The following ABLIM2 variants were observed in gnomAD, a reference collection of about 807,000 sequenced individuals.
ABLIM2 encodes the protein actin binding LIM protein family member 2, also known as actin-binding LIM protein 2.
ABLIM2 carries 53 observed loss-of-function variants against 97.7 expected under a neutral mutation model. The observed-to-expected ratio is 0.54, with a 90% CI of 0.44 to 0.68. The LOEUF is 0.68. ABLIM2 is among the 30% of genes least tolerant of loss of function. ABLIM2 has a pLI of 0.00. For synonymous variants in ABLIM2, 361 were observed against 345.8 expected (o/e 1.04, Z -0.49); for missense variants, 835 against 867.2 (o/e 0.96, Z 0.47).
At chr4:8,035,540 G>A (rs1051314198) in intron 10 of ABLIM2, among the ~76,000 whole-genome samples, 2 of 152,178 alleles carry the variant, frequency 1.3e-5, no homozygotes, top group Admixed American at 6.5e-5. Flanking sequence ...AGGCAGCTGC[G>A]GTCATGTTGA....
intron 7 of ABLIM2, among the ~76,000 whole-genome samples, chr4:8,060,450 T>C (rs902533138): frequency 1.3e-4 from 20 of 152,280 alleles, no homozygotes; most frequent in Admixed American, 1.0e-3. Flanking sequence ...CAATGCTCTG[T>C]GGGGCTGGCT....
intron 11 of ABLIM2, among the ~76,000 whole-genome samples, chr4:8,029,425 C>A (rs888410889): frequency 3.9e-5 from 6 of 152,210 alleles, no homozygotes; most frequent in Non-Finnish European, 7.3e-5. Flanking sequence ...ACCAGCAGGG[C>A]AGCCTCTGCA....
At chr4:8,029,586 T>TG in intron 11 of ABLIM2, 70 bp downstream of exon 11, 1 of 1,050,032 alleles carries the variant, frequency 9.5e-7, no homozygotes, top group South Asian at 3.6e-5. Context: ...AAAAAAAAAC[T>TG]AAAAAAAAAA....
intron 1 of ABLIM2, among the ~76,000 whole-genome samples, chr4:8,111,664 C>T (rs1310633542): frequency 1.4e-4 from 21 of 152,150 alleles, no homozygotes; most frequent in African/African-American, 3.6e-4. Flanking sequence ...CTATGGCTCA[C>T]GCCTGTAATC....
intron 1 of ABLIM2, among the ~76,000 whole-genome samples, chr4:8,141,921 G>C (rs1378433096): frequency 6.6e-6 from 1 of 152,236 alleles, no homozygotes; most frequent in South Asian, 2.1e-4. Context: ...TCTGAGAAGA[G>C]GGGGAGGGCC....
intron 17 of ABLIM2, 47 bp from the exon 18 acceptor site, chr4:7,984,940 G>T: frequency 6.3e-7 from 1 of 1,588,120 alleles, no homozygotes; most frequent in East Asian, 2.3e-5. Context: ...GCGGCACGAG[G>T]GTGTGTGGAT....
At position 8,003,569 on chromosome 4, in the gene ABLIM2, T is replaced by C. The variant is rs1368689663; in HGVS notation, c.1618+4490A>G. Among the ~76,000 whole-genome samples the C allele has an allele frequency of 6.8e-6, 1 of 146,330 alleles. No homozygotes were observed. Among genetic ancestry groups the C allele is most frequent in the East Asian group, 1.9e-4 (1 of 5,144 alleles). ...GCTCTTCTTCCAGTTTTCTTTTTTT[T>C]TTTTTTTTTTTTTGGAGATGGAGTC... On this transcript the variant is annotated intron_variant, in intron 16 of 20. Transcript: ENST00000447017. This position sits in a 1 kb window ranked among gnomAD's most constrained non-coding sequence, Gnocchi z 4.2.
In ABLIM2 at chr4:8,029,641, CA is replaced by C. The variant is rs1161373919; in HGVS notation, c.1168+14del. 4.7e-6 allele frequency: 7 copies of C among 1,502,570 alleles called. No homozygotes were observed. Among genetic ancestry groups the C allele is most frequent in the Non-Finnish European group, 6.3e-6 (7 of 1,116,126 alleles). The allele number at this position is 1,502,570 out of a possible 1,614,324, so 93.1% of individuals were successfully genotyped here. On this transcript the variant is annotated intron_variant, in intron 11 of 20. Coordinates refer to ENST00000447017, the MANE Select transcript of ABLIM2 (RefSeq NM_001130083.2). ...CAGCATCCTGGGGGCTCAGAGGAAC[CA>C]GGGGGCCAAGTACCTGGACGGCTGT...
Position 8,153,752 on chromosome 4 carries a change from A to G in ABLIM2, c.10+4928T>C, listed in dbSNP as rs796457161. Among the ~76,000 whole-genome samples, 11 of 152,182 alleles carry G rather than the reference A, an allele frequency of 7.2e-5. No homozygotes were observed. The South Asian group carries it at 2.3e-3, about 32-fold the overall frequency. On this transcript the variant is annotated intron_variant, in intron 1 of 20. Transcript: ENST00000447017. The stretch of plus-strand genomic sequence containing the variant: ...TTCTTTCCATTTGATCTTTCAGTAC[A>G]AAAGAAAAGGGCACACAATGAAGAA...
At chr4:8,094,812 C>T (rs761559600) in intron 3 of ABLIM2, among the ~76,000 whole-genome samples, 9 of 152,086 alleles carry the variant, frequency 5.9e-5, no homozygotes, top group Non-Finnish European at 1.0e-4. Flanking sequence ...TTCTAGTTTC[C>T]TTTTATTAGG....
intron 1 of ABLIM2, among the ~76,000 whole-genome samples, chr4:8,114,725 T>C (rs1264961840): frequency 2.6e-5 from 4 of 152,266 alleles, no homozygotes; most frequent in Non-Finnish European, 4.4e-5. Context: ...CAATCCCCCA[T>C]TAAGCAAAGA....
intron 9 of ABLIM2, among the ~76,000 whole-genome samples, chr4:8,037,298 A>T (rs1314940127): frequency 1.3e-5 from 2 of 151,792 alleles, no homozygotes; most frequent in Non-Finnish European, 2.9e-5. Flanking sequence ...ACACATGCAC[A>T]CACACACGCA....
chr4:8,143,612 C>G (rs969560362), intron 1 of ABLIM2, among the ~76,000 whole-genome samples: 9 of 152,200 alleles, frequency 5.9e-5, no homozygotes, highest in African/African-American at 2.2e-4. Context: ...CAGGATTTCT[C>G]TCTCAGGCCA....
intron 5 of ABLIM2, among the ~76,000 whole-genome samples, chr4:8,079,244 C>G (rs1818217624): frequency 6.6e-6 from 1 of 152,234 alleles, no homozygotes; most frequent in African/African-American, 2.4e-5. Context: ...TAATAACCCA[C>G]AAACGAGTGT....
At chr4:7,971,699 A>C (rs1011291017) in intron 20 of ABLIM2, among the ~76,000 whole-genome samples, 1 of 152,084 alleles carries the variant, frequency 6.6e-6, no homozygotes, top group Non-Finnish European at 1.5e-5. Context: ...CATCAGGGAC[A>C]GGTTGCCCTG....
At chr4:8,050,943 G>A (rs1171174445) in intron 8 of ABLIM2, among the ~76,000 whole-genome samples, 1 of 152,268 alleles carries the variant, frequency 6.6e-6, no homozygotes, top group African/African-American at 2.4e-5. Context: ...AAACAAGGAC[G>A]CCTGCACAGG....
At chr4:8,099,311 C>G (rs1833298070) in intron 2 of ABLIM2, among the ~76,000 whole-genome samples, 1 of 152,224 alleles carries the variant, frequency 6.6e-6, no homozygotes, top group Non-Finnish European at 1.5e-5. Flanking sequence ...TGACTGGGCT[C>G]ACAGCACTCA....
chr4:8,027,335 G>C (rs1778068328), intron 12 of ABLIM2, among the ~76,000 whole-genome samples: 1 of 152,182 alleles, frequency 6.6e-6, no homozygotes, highest in Non-Finnish European at 1.5e-5. Flanking sequence ...CTGGGCCCCA[G>C]GAGCTCTGGG....
rs1284858123 is a variant in ABLIM2 at position 8,085,189 on chromosome 4, G to C, written c.454+2980C>G. 3.9e-5 allele frequency among the ~76,000 whole-genome samples: 6 copies of C among 152,098 alleles called. No individual in the cohort carries two copies. The highest frequency in any genetic ancestry group is 1.4e-4 in the African/African-American group (6 of 41,432). Reference sequence around the variant, plus strand: ...CTCAAGCTTGAGCTCTGCCTCAAGAGCCAGCCACTCTCCCCTCCCCAGGGA... The same window carrying C: ...CTCAAGCTTGAGCTCTGCCTCAAGACCCAGCCACTCTCCCCTCCCCAGGGA... On this transcript the variant is annotated intron_variant, in intron 4 of 20. Transcript: ENST00000447017. The surrounding 1 kb of genome is among the most constrained non-coding windows in gnomAD (Gnocchi z 6.1).
Sources: gnomAD v4.1 joint callset for allele counts (sites outside exome capture counted in the v4.1 genomes callset) on GRCh38, gnomAD v4.1.1 for gene constraint, Gnocchi (gnomAD v3.1) non-coding constraint, MANE v1.5 for transcripts, NCBI Gene and HGNC (gene_info 2026-07-23, HGNC 2026-07-21) for gene names.